Variants in NTM observed in about 807,000 individuals in gnomAD.
NTM encodes the protein IgLON family member 2.
NTM carries 13 observed loss-of-function variants against 42.1 expected under a neutral mutation model. That is an observed-to-expected ratio of 0.31 (90% confidence interval 0.20 to 0.49). The LOEUF (loss-of-function observed/expected upper bound fraction) is 0.49, where lower values mean the gene tolerates loss of function less well. Ranked by LOEUF, NTM falls within the 20% of genes least tolerant of loss-of-function variation. The pLI is 0.99. For missense variants in NTM, 373 were observed against 452.8 expected (o/e 0.82, Z 1.60); for synonymous variants, 187 against 179.2 (o/e 1.04, Z -0.35).
At chr11:131,408,127 A>G (rs1011959074) in intron 1 of NTM, among the ~76,000 whole-genome samples, 1 of 152,194 alleles carries the variant, frequency 6.6e-6, no homozygotes, top group African/African-American at 2.4e-5. Context: ...ACTAAAAGCC[A>G]GTTATTAATC....
chr11:132,256,108 C>T (rs1201345617), intron 4 of NTM, among the ~76,000 whole-genome samples: 1 of 152,194 alleles, frequency 6.6e-6, no homozygotes, highest in African/African-American at 2.4e-5. Context: ...CTAGGCTATG[C>T]AGAGGGTGGG....
chr11:131,439,234 G>A (rs1358646193), intron 1 of NTM, among the ~76,000 whole-genome samples: 3 of 152,170 alleles, frequency 2.0e-5, no homozygotes, highest in Non-Finnish European at 4.4e-5. Flanking sequence ...CTACTGGGAG[G>A]TGTCTCCCAG....
Position 131,441,614 on chromosome 11 carries a change from C to A in NTM, c.82+70726C>A, listed in dbSNP as rs759470433. ...TATCTAGGATTGGAGCATGGCAGCT[C>A]CGATATATCTCGTGTCAGGTATTAT... On this transcript the variant is annotated intron_variant, in intron 1 of 8. Transcript: ENST00000683400. 1.1e-3 allele frequency among the ~76,000 whole-genome samples: 168 copies of A among 152,290 alleles called. 3 individuals are homozygous for A. The highest frequency in any genetic ancestry group is 3.7e-4 in the Non-Finnish European group (25 of 68,044).
At chr11:131,660,948 G>T (rs1186629698) in intron 1 of NTM, 1 of 1,303,890 alleles carries the variant, frequency 7.7e-7, no homozygotes, top group Non-Finnish European at 1.0e-6. Flanking sequence ...ATTTCATTCT[G>T]CTCATCCCCA....
chr11:131,821,929 A>G (rs374276064), intron 1 of NTM, among the ~76,000 whole-genome samples: 2 of 152,324 alleles, frequency 1.3e-5, no homozygotes, highest in African/African-American at 4.8e-5. Flanking sequence ...AAAAGACTCA[A>G]ATGTATATAT....
In NTM at chr11:132,335,139, A is replaced by G. The variant is rs1444893386; in HGVS notation, c.1061A>G (p.Lys354Arg). 1 of 1,612,402 alleles carries G rather than the reference A, an allele frequency of 6.2e-7. No individual in the cohort carries two copies. The highest frequency in any genetic ancestry group is 2.2e-5 in the East Asian group (1 of 44,850). Residue 354 changes from lysine (K) to arginine (R), a missense_variant, in exon 9 of 9, where the codon AAA (lysine) becomes AGA (arginine). Coordinates refer to ENST00000683400, the MANE Select transcript of NTM (RefSeq NM_001352005.2). ...LPLLVLHLLL[K>R]F ...CTTCTGGTCTTGCACCTGCTTCTCAAATTTTGATGTGAGTGCCACTTCCCC... is the reference window on the plus strand; with the variant it reads ...CTTCTGGTCTTGCACCTGCTTCTCAGATTTTGATGTGAGTGCCACTTCCCC...
At chr11:131,940,783 T>A (rs1290714383) in intron 2 of NTM, among the ~76,000 whole-genome samples, 1 of 152,212 alleles carries the variant, frequency 6.6e-6, no homozygotes, top group African/African-American at 2.4e-5. Context: ...AGAAGGGGAT[T>A]TGTCACTGAA....
chr11:132,187,065 T>C (rs1353704620), intron 3 of NTM, among the ~76,000 whole-genome samples: 3 of 152,230 alleles, frequency 2.0e-5, no homozygotes, highest in Non-Finnish European at 4.4e-5. Context: ...CTCCACTGAA[T>C]ACATCAGAGA....
At chr11:131,576,465 G>A (rs530743088) in intron 1 of NTM, among the ~76,000 whole-genome samples, 3 of 152,024 alleles carry the variant, frequency 2.0e-5, no homozygotes, top group Non-Finnish European at 4.4e-5. Context: ...ACTTTTGCTC[G>A]ATTCTCCACC....
At chr11:131,643,314 G>T (rs1185492687) in intron 1 of NTM, among the ~76,000 whole-genome samples, 1 of 152,198 alleles carries the variant, frequency 6.6e-6, no homozygotes. Flanking sequence ...CTTTGTTCTG[G>T]CCGTGCCAGT....
At chr11:131,658,200 G>A (rs116675311) in intron 1 of NTM, among the ~76,000 whole-genome samples, 3,591 of 152,244 alleles carry the variant, frequency 0.024, 147 homozygotes, top group African/African-American at 0.082. Flanking sequence ...CACAGAAAAT[G>A]CAGTCATCTC....
intron 2 of NTM, among the ~76,000 whole-genome samples, chr11:132,010,467 C>T (rs1342580277): frequency 1.3e-5 from 2 of 152,158 alleles, no homozygotes; most frequent in Admixed American, 1.3e-4. Flanking sequence ...CCAGTCTGCT[C>T]GGACCTCTGC....
chr11:132,230,171 G>A lies in NTM; in HGVS notation c.526+18024G>A, dbSNP rs558327733. Among the ~76,000 whole-genome samples the A allele has an allele frequency of 8.6e-4, 131 of 152,308 alleles. 1 individual carries two copies. Among genetic ancestry groups the A allele is most frequent in the African/African-American group, 3.1e-3 (127 of 41,578 alleles). ...TGAGAGTCGATGTATCTTCTCATTT[G>A]AGTACAAAGGGATTGATTGGAGGGG... On this transcript the variant is annotated intron_variant, in intron 4 of 8. Coordinates refer to ENST00000683400, the MANE Select transcript of NTM (RefSeq NM_001352005.2).
At chr11:132,302,779 A>G (rs2094915443) in intron 4 of NTM, among the ~76,000 whole-genome samples, 1 of 152,238 alleles carries the variant, frequency 6.6e-6, no homozygotes, top group Admixed American at 6.5e-5. Flanking sequence ...ATTGGACATC[A>G]GGAGGCCTGG....
chr11:131,430,239 C>T (rs1433189815), intron 1 of NTM, among the ~76,000 whole-genome samples: 1 of 152,138 alleles, frequency 6.6e-6, no homozygotes, highest in Non-Finnish European at 1.5e-5. Flanking sequence ...ACAAGGGTCC[C>T]AACCATGTGT....
intron 2 of NTM, among the ~76,000 whole-genome samples, chr11:132,139,381 G>A (rs2068630646): frequency 6.6e-6 from 1 of 152,216 alleles, no homozygotes; most frequent in Admixed American, 6.5e-5. Flanking sequence ...GACCTATTGA[G>A]CAAGCCCATT....
intron 1 of NTM, among the ~76,000 whole-genome samples, chr11:131,654,584 G>A (rs1335092300): frequency 2.6e-5 from 4 of 152,190 alleles, no homozygotes; most frequent in African/African-American, 9.7e-5. Context: ...CCCCAAGGTT[G>A]GAGGTGAGGC....
At chr11:131,740,014 C>T (rs189276284) in intron 1 of NTM, among the ~76,000 whole-genome samples, 10 of 152,308 alleles carry the variant, frequency 6.6e-5, no homozygotes, top group Admixed American at 3.3e-4. Flanking sequence ...TGGAGCCAAG[C>T]GTGGGTTTGA....
chr11:131,532,754 A>G (rs1012074281), intron 1 of NTM, among the ~76,000 whole-genome samples: 11 of 152,322 alleles, frequency 7.2e-5, no homozygotes, highest in African/African-American at 2.6e-4. Flanking sequence ...TTCTTTTTAC[A>G]TAACACATTC....
Sources: gnomAD v4.1 joint callset for allele counts (sites outside exome capture counted in the v4.1 genomes callset) on GRCh38, gnomAD v4.1.1 for gene constraint, MANE v1.5 for transcripts, NCBI Gene and HGNC (gene_info 2026-07-23, HGNC 2026-07-21) for gene names.